The following KIF20B variants were observed in gnomAD, a reference collection of about 807,000 sequenced individuals.
The protein encoded by KIF20B is kinesin family member 20B.
Under a neutral mutation model 232.5 loss-of-function variants are expected in KIF20B, and 188 were observed. That is an observed-to-expected ratio of 0.81 (90% CI 0.72 to 0.91). The LOEUF is 0.91. KIF20B is among the 40% of genes least tolerant of loss of function. The pLI, the probability that KIF20B is intolerant of heterozygous loss-of-function variation, is 0.00. For missense variants in KIF20B, 2,154 were observed against 2,055.9 expected (o/e 1.05, Z -0.92); for synonymous variants, 712 against 683.0 (o/e 1.04, Z -0.66).
intron 9 of KIF20B, 31 bp from the exon 10 acceptor site, chr10:89,717,393 G>A: frequency 7.4e-7 from 1 of 1,354,384 alleles, no homozygotes; most frequent in Admixed American, 1.9e-5. Context: ...AATTAAAAAT[G>A]ATAAGATAAC....
chr10:89,712,662 G>A (rs1317496185), intron 6 of KIF20B, among the ~76,000 whole-genome samples: 2 of 152,138 alleles, frequency 1.3e-5, no homozygotes, highest in African/African-American at 2.4e-5. Flanking sequence ...CCCTCATGGA[G>A]ACTGACAATA....
At chr10:89,703,585 G>A (rs1392487131) in intron 1 of KIF20B, among the ~76,000 whole-genome samples, 2 of 152,110 alleles carry the variant, frequency 1.3e-5, no homozygotes, top group Non-Finnish European at 2.9e-5. Flanking sequence ...GCAGTGGCTT[G>A]GGGGTCTTGA....
chr10:89,709,023 C>T, intron 2 of KIF20B, 144 bp from the exon 3 acceptor site: 2 of 629,244 alleles, frequency 3.2e-6, no homozygotes, highest in South Asian at 1.9e-5. Flanking sequence ...GTTTTTCTAA[C>T]ATTATTAAAA....
intron 11 of KIF20B, among the ~76,000 whole-genome samples, chr10:89,718,028 A>G (rs1842970321): frequency 6.6e-6 from 1 of 152,156 alleles, no homozygotes. Context: ...TTATTAATGC[A>G]TTGTGTGTGG....
At chr10:89,759,887 TGAG>T (rs1842202116) in intron 27 of KIF20B, among the ~76,000 whole-genome samples, 1 of 152,156 alleles carries the variant, frequency 6.6e-6, no homozygotes, top group Non-Finnish European at 1.5e-5. Context: ...ATGGCTGTGA[TGAG>T]GAGGTCTGTG....
rs1408128542 is a variant in KIF20B, at chr10:89,706,357, A to T, written c.147+916A>T. On this transcript the variant is annotated intron_variant, in intron 2 of 32. Coordinates refer to ENST00000371728, the MANE Select transcript of KIF20B (RefSeq NM_001284259.2). ...TTGTGAGAAATCTTTATGTATACAAATCCTTTATCAGATTAATAGTGTCTT... is the reference window on the plus strand; with the variant it reads ...TTGTGAGAAATCTTTATGTATACAATTCCTTTATCAGATTAATAGTGTCTT... 2.0e-5 allele frequency among the ~76,000 whole-genome samples: 3 copies of T among 152,274 alleles called. No homozygotes were observed. In the East Asian group the frequency reaches 5.8e-4, roughly 29 times the overall value.
Position 89,754,503 on chromosome 10 carries a change from C to A in KIF20B, c.4348-15C>A. ...GTAGGCATGCGATAATAACTTATAC[C>A]ATTTATATATACAGGAGTCTGAACA... On this transcript the variant is annotated splice_polypyrimidine_tract_variant and intron_variant, in intron 25 of 32. Coordinates refer to ENST00000371728, the MANE Select transcript of KIF20B (RefSeq NM_001284259.2). 1 of 1,507,596 alleles carries A rather than the reference C, an allele frequency of 6.6e-7. No individual in the cohort carries two copies. The highest frequency in any genetic ancestry group is 1.4e-5 in the South Asian group (1 of 72,464). The allele number at this position is 1,507,596 out of a possible 1,614,324, so 93.4% of individuals were successfully genotyped here.
At position 89,726,345 on chromosome 10, in the gene KIF20B, A is replaced by G. The variant is rs113908675; in HGVS notation, c.2054A>G (p.Asn685Ser). 159 of 1,553,190 alleles carry G rather than the reference A, an allele frequency of 1.0e-4. No homozygotes were observed. The highest frequency in any genetic ancestry group is 2.3e-4 in the Admixed American group (12 of 51,314). Residue 685 changes from asparagine (N) to serine (S), a missense_variant, in exon 16 of 33, where the codon AAT becomes AGT. By Grantham distance (46) the Asn-to-Ser change is conservative (BLOSUM62 1). Transcript: ENST00000371728. ...GATATTATTGATTCTCTTCAAGATA[A>G]TGTTGCTGATATTAAGAAACAGGCT... ...FEDIIDSLQD[N>S]VADIKKQAEI...
intron 3 of KIF20B, 31 bp downstream of exon 3, chr10:89,709,284 T>C (rs1011647301): frequency 5.7e-6 from 9 of 1,589,284 alleles, no homozygotes; most frequent in East Asian, 2.2e-5. Flanking sequence ...AATTTTAATA[T>C]TTTACTTTCA....
intron 22 of KIF20B, among the ~76,000 whole-genome samples, 179 bp downstream of exon 22, chr10:89,744,106 C>T (rs1478951371): frequency 6.6e-6 from 1 of 151,238 alleles, no homozygotes; most frequent in Non-Finnish European, 1.5e-5. Context: ...TTAAGTAGGC[C>T]AGTAGTGACT....
chr10:89,714,116 A>G, intron 7 of KIF20B, 33 bp downstream of exon 7: 1 of 1,226,882 alleles, frequency 8.2e-7, no homozygotes, highest in Admixed American at 2.5e-5. Flanking sequence ...TCTTTGATGT[A>G]TCGATTATAT....
chr10:89,712,579 A>T (rs796070131), intron 6 of KIF20B, among the ~76,000 whole-genome samples: 3 of 151,306 alleles, frequency 2.0e-5, no homozygotes, highest in African/African-American at 7.4e-5. Flanking sequence ...GTATTCATCT[A>T]TTCAGCAAAT....
At chr10:89,723,010 A>T (rs4934495) in intron 13 of KIF20B, among the ~76,000 whole-genome samples, 7 of 151,976 alleles carry the variant, frequency 4.6e-5, no homozygotes, top group Non-Finnish European at 1.0e-4. Context: ...ATCCTTTAAC[A>T]TTGGTTGAGT....
intron 22 of KIF20B, among the ~76,000 whole-genome samples, chr10:89,745,430 G>C (rs2133140940): frequency 6.6e-6 from 1 of 152,274 alleles, no homozygotes; most frequent in African/African-American, 2.4e-5. Flanking sequence ...GGCTGAGGCA[G>C]GAGAATCGCT....
In KIF20B at chr10:89,719,550, G is replaced by T. The variant is rs751225494; in HGVS notation, c.1566G>T (p.Trp522Cys). The change falls in exon 13 of 33, where the codon TGG becomes TGT. Residue 522 changes from tryptophan (W) to cysteine (C), a missense_variant. Physicochemically the swap from Trp to Cys is radical, Grantham distance 215. Transcript: ENST00000371728. ...ATGTAAAAAGAGCCACCATTTCATG[G>T]GAAAATAGTCTAGAAGATTTGATGG... is the stretch of plus-strand genomic sequence containing the variant. Reference protein sequence around the residue: ...ILNVKRATISWENSLEDLMED... With the variant: ...ILNVKRATISCENSLEDLMED... 1 of 1,613,332 alleles carries T rather than the reference G, an allele frequency of 6.2e-7. No homozygotes were observed. Among genetic ancestry groups the T allele is most frequent in the Non-Finnish European group, 8.5e-7 (1 of 1,179,566 alleles).
rs143565862 is a variant in KIF20B at position 89,765,861 on chromosome 10, C to T, written c.4990-2429C>T. Among the ~76,000 whole-genome samples the T allele has an allele frequency of 5.0e-3, 755 of 152,184 alleles. 5 individuals carry two copies. Among genetic ancestry groups the T allele is most frequent in the African/African-American group, 0.016 (675 of 41,532 alleles). ...CTCTTCTGGCTTGTAGAGTTTCTGC[C>T]GAGAGATCCGCTGTTAGTCTGATGG... On this transcript the variant is annotated intron_variant, in intron 29 of 32. Coordinates refer to ENST00000371728, the MANE Select transcript of KIF20B (RefSeq NM_001284259.2).
intron 28 of KIF20B, 30 bp downstream of exon 28, chr10:89,760,666 T>G: frequency 1.6e-6 from 2 of 1,260,162 alleles, no homozygotes; most frequent in South Asian, 2.4e-5. Context: ...GTCCACTTAT[T>G]TATTCTCTTT....
intron 5 of KIF20B, 74 bp downstream of exon 5, chr10:89,710,139 C>T: frequency 7.6e-7 from 1 of 1,315,642 alleles, no homozygotes; most frequent in South Asian, 1.5e-5. Context: ...ATAATACATA[C>T]ATGTAGTTAT....
intron 6 of KIF20B, among the ~76,000 whole-genome samples, chr10:89,713,356 CTCA>C (rs1036655281): frequency 4.1e-5 from 5 of 123,338 alleles, no homozygotes; most frequent in African/African-American, 1.2e-4. Context: ...GCAAGACTCT[CTCA>C]AAAAAAAAAA....
Sources: allele counts gnomAD v4.1 joint callset (sites outside exome capture counted in the v4.1 genomes callset), GRCh38; gene constraint gnomAD v4.1.1; transcripts MANE v1.5; gene names NCBI Gene and HGNC (gene_info 2026-07-23, HGNC 2026-07-21).